BRCA1: variants seen among roughly 807,000 people sequenced by gnomAD.
BRCA1 encodes BRCA1 DNA repair associated.
In BRCA1, 140 loss-of-function variants were observed where a neutral mutation model predicts 173.7. The ratio of observed to expected loss-of-function variants is 0.81; its 90% CI spans 0.70 to 0.93. The LOEUF (loss-of-function observed/expected upper bound fraction) is 0.93, where lower values mean the gene tolerates loss of function less well. BRCA1 is among the 40% of genes least tolerant of loss of function. BRCA1 has a pLI of 0.00. For synonymous variants in BRCA1, 662 were observed against 756.0 expected, an observed-to-expected ratio of 0.88 and a Z score of 2.04; for missense variants, 1,983 against 2,172.5, an observed-to-expected ratio of 0.91 and a Z score of 1.73.
intron 1 of BRCA1, among the ~76,000 whole-genome samples, chr17:43,134,072 CA>C (rs1487756063): frequency 6.6e-6 from 1 of 152,236 alleles, no homozygotes; most frequent in African/African-American, 2.4e-5. Flanking sequence ...AAGCTCACAT[CA>C]AAAGTCGCCT....
chr17:43,086,328 TTAA>T (rs1389069845), intron 11 of BRCA1, among the ~76,000 whole-genome samples: 4 of 152,308 alleles, frequency 2.6e-5, no homozygotes, highest in African/African-American at 9.6e-5. Context: ...CAAGTGTTTA[TTAA>T]TGAGAAGATA....
chr17:43,129,745 A>T (rs866117178), upstream of BRCA1, among the ~76,000 whole-genome samples: 3 of 152,196 alleles, frequency 2.0e-5, no homozygotes, highest in Admixed American at 6.5e-5. Context: ...AAGTGCTGGG[A>T]TTATAGGCGT....
At chr17:43,113,743 T>A (rs550210077) in intron 3 of BRCA1, among the ~76,000 whole-genome samples, 1 of 152,272 alleles carries the variant, frequency 6.6e-6, no homozygotes, top group African/African-American at 2.4e-5. Context: ...CTTCCACAAG[T>A]TCTCAAAGCA....
At chr17:43,069,560 G>A (rs987084888) in intron 15 of BRCA1, among the ~76,000 whole-genome samples, 1 of 152,220 alleles carries the variant, frequency 6.6e-6, no homozygotes, top group Non-Finnish European at 1.5e-5. Context: ...TTCTGGACGT[G>A]CAGGCAAGTG....
intron 1 of BRCA1, among the ~76,000 whole-genome samples, chr17:43,135,090 T>G (rs2056005712): frequency 1.3e-5 from 2 of 152,272 alleles, no homozygotes; most frequent in African/African-American, 2.4e-5. Context: ...CCACGTGTCT[T>G]GCTCTGGCCA....
chr17:43,047,771 A>C, intron 21 of BRCA1, 68 bp from the exon 22 acceptor site: 1 of 1,560,794 alleles, frequency 6.4e-7, no homozygotes, highest in Non-Finnish European at 8.8e-7. Context: ...TCACTTCATC[A>C]TTTTTTTTGT....
intron 3 of BRCA1, chr17:43,110,542 C>A: frequency 2.3e-6 from 1 of 441,552 alleles, no homozygotes; most frequent in Non-Finnish European, 4.5e-6. Context: ...GCCTCATGAT[C>A]GCACCACTGT....
At chr17:43,127,519 A>G (rs1174086541), upstream of BRCA1, among the ~76,000 whole-genome samples, 1 of 152,152 alleles carries the variant, frequency 6.6e-6, no homozygotes, top group Admixed American at 6.5e-5. Flanking sequence ...TAAACGCACC[A>G]ATCAGTGCTC....
chr17:43,063,480 A>G, intron 17 of BRCA1, 107 bp from the exon 18 acceptor site: 1 of 925,818 alleles, frequency 1.1e-6, no homozygotes, highest in East Asian at 2.5e-5. Flanking sequence ...AGAATGACAG[A>G]GGAGAGGTCC....
intron 16 of BRCA1, among the ~76,000 whole-genome samples, chr17:43,064,312 T>C: frequency 6.6e-6 from 1 of 152,180 alleles, no homozygotes; most frequent in East Asian, 1.9e-4. Flanking sequence ...ACGGAGAACA[T>C]CTATATTACT....
intron 20 of BRCA1, 107 bp from the exon 21 acceptor site, chr17:43,049,301 G>A (rs2051105601): frequency 1.0e-6 from 1 of 960,294 alleles, no homozygotes; most frequent in African/African-American, 1.6e-5. Flanking sequence ...ACCTCTCAAT[G>A]GGAGAGTCTG....
intron 1 of BRCA1, chr17:43,140,122 A>T: frequency 6.0e-6 from 2 of 332,756 alleles, no homozygotes; most frequent in Admixed American, 4.0e-5. Flanking sequence ...GAGCTCGATC[A>T]TGCCTGCGTG....
chr17:43,044,964 C>A lies in BRCA1; in HGVS notation c.*714G>T, dbSNP rs572848769. On this transcript the variant is annotated 3_prime_UTR_variant, in exon 23 of 23. Coordinates refer to ENST00000357654, the MANE Select transcript of BRCA1 (RefSeq NM_007294.4). Reference sequence around the variant, plus strand: ...GATTACAGGTGTCCACCACCATGACCGGCTAATTTCTGTATTTTTAGTAGA... The same window carrying A: ...GATTACAGGTGTCCACCACCATGACAGGCTAATTTCTGTATTTTTAGTAGA... 1 of 479,150 alleles carries A rather than the reference C, an allele frequency of 2.1e-6. No individual in the cohort carries two copies. The highest frequency in any genetic ancestry group is 2.0e-5 in the African/African-American group (1 of 50,960). 29.7% of individuals were successfully genotyped at this position (479,150 alleles called of 1,614,324 possible). A position where few individuals can be genotyped will look rare whatever the true frequency, so the allele number is the denominator to read the frequency against.
intron 3 of BRCA1, among the ~76,000 whole-genome samples, chr17:43,108,750 C>T (rs930045866): frequency 6.9e-6 from 1 of 145,712 alleles, no homozygotes; most frequent in Non-Finnish European, 1.5e-5. Context: ...AGCGGTGGCT[C>T]ACGCCTGTAA....
At chr17:43,068,651 C>T (rs1053904821) in intron 15 of BRCA1, among the ~76,000 whole-genome samples, 1 of 152,098 alleles carries the variant, frequency 6.6e-6, no homozygotes, top group Non-Finnish European at 1.5e-5. Context: ...CATAGTGACA[C>T]TCTACTGTAC....
At chr17:43,138,726 A>G (rs2056048968) in intron 1 of BRCA1, 1 of 779,334 alleles carries the variant, frequency 1.3e-6, no homozygotes, top group Admixed American at 1.7e-5. Context: ...AAAGGTAGTC[A>G]CGTGGAATTT....
At chr17:43,057,574 G>A (rs1349919860) in intron 18 of BRCA1, among the ~76,000 whole-genome samples, 3 of 150,906 alleles carry the variant, frequency 2.0e-5, no homozygotes, top group Non-Finnish European at 2.9e-5. Flanking sequence ...GGTGGCTCAC[G>A]CCTGTAATCC....
intron 16 of BRCA1, chr17:43,067,338 T>A: frequency 9.4e-6 from 3 of 320,118 alleles, no homozygotes; most frequent in Non-Finnish European, 1.8e-5. Context: ...CACTGCAACC[T>A]CCATCTCCCC....
chr17:43,091,594 G>A lies in BRCA1; in HGVS notation c.3937C>T (p.Gln1313Ter), dbSNP rs80357318. 1.2e-6 allele frequency: 2 copies of A among 1,614,168 alleles called. No individual in the cohort carries two copies. Among genetic ancestry groups the A allele is most frequent in the Non-Finnish European group, 1.7e-6 (2 of 1,180,030 alleles). ...GAAGAACCAATCAAGAAAGGATCCT[G>A]GGTGTTTGTATTTGCAGTCAAGTCT... is the stretch of plus-strand genomic sequence containing the variant. ...LEDLTANTNT[Q>*]DPFLIGSSKQ... Residue 1313 changes from glutamine to a stop codon, truncating the protein, a stop_gained, in exon 10 of 23, where the codon CAG becomes TAG. Coordinates refer to ENST00000357654, the MANE Select transcript of BRCA1 (RefSeq NM_007294.4). LOFTEE classifies it high-confidence loss of function.
Sources: gnomAD v4.1 joint callset for allele counts (sites outside exome capture counted in the v4.1 genomes callset) on GRCh38, gnomAD v4.1.1 for gene constraint, MANE v1.5 for transcripts, NCBI Gene and HGNC (gene_info 2026-07-23, HGNC 2026-07-21) for gene names.